The following SH3RF2 variants were observed in gnomAD, a reference collection of about 807,000 sequenced individuals.
SH3RF2 encodes E3 ubiquitin-protein ligase SH3RF2.
In SH3RF2, 43 loss-of-function variants were observed where a neutral mutation model predicts 59.0. The observed-to-expected ratio is 0.73, with a 90% CI of 0.57 to 0.94. The LOEUF (loss-of-function observed/expected upper bound fraction) is 0.94. Ranked by LOEUF, SH3RF2 falls within the 40% of genes least tolerant of loss-of-function variation. The pLI is 0.00. For synonymous variants in SH3RF2, 391 were observed against 391.5 expected (o/e 1.00, Z 0.01); for missense variants, 930 against 940.1 (o/e 0.99, Z 0.14).
At chr5:146,002,356 C>A (rs1224685856) in intron 3 of SH3RF2, among the ~76,000 whole-genome samples, 1 of 152,060 alleles carries the variant, frequency 6.6e-6, no homozygotes, top group African/African-American at 2.4e-5. Flanking sequence ...GAGACTGAGG[C>A]AGGAGAATCG....
chr5:145,986,033 A>ATAAATAAG (rs1759691099), intron 2 of SH3RF2, among the ~76,000 whole-genome samples: 1 of 136,914 alleles, frequency 7.3e-6, no homozygotes. Flanking sequence ...AAATAAATAA[A>ATAAATAAG]TAAATAAATA....
At chr5:145,991,421 C>T (rs1410163170) in intron 2 of SH3RF2, among the ~76,000 whole-genome samples, 1 of 152,130 alleles carries the variant, frequency 6.6e-6, no homozygotes, top group Non-Finnish European at 1.5e-5. Context: ...ATTTCCTTTC[C>T]TCTTCAGAGT....
At chr5:145,946,620 G>A (rs770803651) in intron 2 of SH3RF2, among the ~76,000 whole-genome samples, 62 of 152,228 alleles carry the variant, frequency 4.1e-4, no homozygotes, top group Non-Finnish European at 7.4e-4. Context: ...CATCATTCTC[G>A]GGAAAATACA....
intron 2 of SH3RF2, among the ~76,000 whole-genome samples, chr5:145,999,577 T>C (rs1297012144): frequency 2.0e-5 from 3 of 151,520 alleles, no homozygotes; most frequent in Non-Finnish European, 4.4e-5. Context: ...AATTGTAGGG[T>C]CATTAATTGG....
At position 146,014,038 on chromosome 5, in the gene SH3RF2, G is replaced by T; in HGVS notation, c.1036G>T (p.Val346Phe). Residue 346 changes from valine to phenylalanine, a missense_variant, in exon 5 of 10, where the codon GTT (valine) becomes TTT (phenylalanine). Coordinates refer to ENST00000359120, the MANE Select transcript of SH3RF2 (RefSeq NM_152550.4). ...VITQPMEKAD[V>F]PSSCVGQVST... ...CACCCAGCCCATGGAGAAAGCAGAC[G>T]TTCCTTCCAGCTGTGTGGGACAGGT... The T allele has an allele frequency of 6.2e-7, 1 of 1,614,068 alleles. No homozygotes were observed. Among genetic ancestry groups the T allele is most frequent in the Non-Finnish European group, 8.5e-7 (1 of 1,179,990 alleles).
rs957474274 is a variant in SH3RF2, at chr5:145,936,600, G to C, written c.-201G>C. Reference sequence around the variant, plus strand: ...TTTCAAAGCGGTTGGCAGCAGCGGCGCTTGGAGGAAAGGAAGCCGGTTGGA... The same window carrying C: ...TTTCAAAGCGGTTGGCAGCAGCGGCCCTTGGAGGAAAGGAAGCCGGTTGGA... On this transcript the variant is annotated 5_prime_UTR_variant, in exon 1 of 10. Transcript: ENST00000359120. 2 of 152,474 alleles carry C rather than the reference G, an allele frequency of 1.3e-5. No homozygotes were observed. The highest frequency in any genetic ancestry group is 6.5e-5 in the Admixed American group (1 of 15,284). The allele number at this position is 152,474 out of a possible 1,614,324, so 9.4% of individuals were successfully genotyped here. A position where few individuals can be genotyped will look rare whatever the true frequency, so the allele number is the denominator to read the frequency against.
At chr5:146,055,791 G>C (rs989240623) in intron 7 of SH3RF2, 190 bp from the exon 8 acceptor site, 8 of 624,834 alleles carry the variant, frequency 1.3e-5, no homozygotes, top group Non-Finnish European at 2.0e-5. Flanking sequence ...CAGTTATCCG[G>C]GTGTAGGGAG....
At chr5:146,015,864 A>G (rs1248188400) in intron 5 of SH3RF2, among the ~76,000 whole-genome samples, 1 of 152,246 alleles carries the variant, frequency 6.6e-6, no homozygotes, top group Non-Finnish European at 1.5e-5. Flanking sequence ...GCTGTGGATT[A>G]TAAGTATTTC....
rs368645230 is a variant in SH3RF2 at position 146,002,469 on chromosome 5, AAAGGAAGGAAGGAAGGAAGG to A, written c.649-1539_649-1520del. ...CCATCTAAAAATTAAAAAAGAAAGAAAAGGAAGGAAGGAAGGAAGGAAGGAAGGAAGGAAGGAAGGAAGGA... is the reference window on the plus strand; with the variant it reads ...CCATCTAAAAATTAAAAAAGAAAGAAAAGGAAGGAAGGAAGGAAGGAAGGA... On this transcript the variant is annotated intron_variant, in intron 3 of 9. Coordinates refer to ENST00000359120, the MANE Select transcript of SH3RF2 (RefSeq NM_152550.4). 4.9e-3 allele frequency among the ~76,000 whole-genome samples: 482 copies of A among 97,572 alleles called. 10 individuals are homozygous for A. In the South Asian group the frequency reaches 0.062, roughly 12 times the overall value. 64.0% of individuals were successfully genotyped at this position (97,572 alleles called of 152,430 possible). A position where few individuals can be genotyped will look rare whatever the true frequency, so the allele number is the denominator to read the frequency against.
At chr5:145,963,926 G>A (rs1400860352) in intron 2 of SH3RF2, among the ~76,000 whole-genome samples, 2 of 150,364 alleles carry the variant, frequency 1.3e-5, no homozygotes, top group Non-Finnish European at 3.0e-5. Flanking sequence ...TCCGCCTCCC[G>A]GATTCACGCC....
downstream of SH3RF2, among the ~76,000 whole-genome samples, chr5:146,063,614 C>T (rs1331750002): frequency 3.3e-5 from 5 of 152,202 alleles, no homozygotes; most frequent in African/African-American, 1.2e-4. Flanking sequence ...AATCCTGGCA[C>T]TTTGGTAGGC....
chr5:146,076,702 C>A (rs1763347886), intron 9 of SH3RF2, among the ~76,000 whole-genome samples: 1 of 152,144 alleles, frequency 6.6e-6, no homozygotes, highest in Non-Finnish European at 1.5e-5. Flanking sequence ...CATTTGCAGG[C>A]CCTGGGAGCT....
chr5:145,954,273 C>T (rs532710190), intron 2 of SH3RF2, among the ~76,000 whole-genome samples: 85 of 152,318 alleles, frequency 5.6e-4, no homozygotes, highest in Non-Finnish European at 8.5e-4. Flanking sequence ...GATGGTATCT[C>T]ACTGTGGTTT....
chr5:146,058,871 TAAAAAAA>T (rs35140745), intron 8 of SH3RF2, among the ~76,000 whole-genome samples: 4 of 132,738 alleles, frequency 3.0e-5, no homozygotes, highest in African/African-American at 1.2e-4. Flanking sequence ...CATCTCAATT[TAAAAAAA>T]AAAAAAAAAG....
chr5:146,004,251 T>A (rs1164497277), intron 4 of SH3RF2, 98 bp downstream of exon 4: 8 of 923,302 alleles, frequency 8.7e-6, no homozygotes, highest in Non-Finnish European at 1.1e-5. Context: ...CTATGAGGCT[T>A]ATTTCAGAAC....
At chr5:146,027,564 TTATTAACATACTTGATTACAAGG>T (rs1761573955) in intron 5 of SH3RF2, among the ~76,000 whole-genome samples, 1 of 152,170 alleles carries the variant, frequency 6.6e-6, no homozygotes, top group South Asian at 2.1e-4. Flanking sequence ...ACTAAACAAA[TTATTAACATACTTGATTACAAGG>T]TATTAAGCGT....
intron 2 of SH3RF2, among the ~76,000 whole-genome samples, chr5:145,961,340 G>A (rs1431501641): frequency 3.3e-5 from 5 of 151,976 alleles, no homozygotes; most frequent in African/African-American, 1.2e-4. Context: ...TTCTCGGGAA[G>A]GTACATTCTT....
At chr5:146,044,461 G>T (rs1357924919) in intron 5 of SH3RF2, among the ~76,000 whole-genome samples, 1 of 152,070 alleles carries the variant, frequency 6.6e-6, no homozygotes, top group Non-Finnish European at 1.5e-5. Context: ...GTGTGTAGTG[G>T]TATCTCACAG....
At chr5:145,975,817 C>T (rs999374300) in intron 2 of SH3RF2, among the ~76,000 whole-genome samples, 3 of 152,252 alleles carry the variant, frequency 2.0e-5, no homozygotes, top group African/African-American at 7.2e-5. Context: ...GCAGACAAAT[C>T]CCTGCTCTGT....
Sources: gnomAD v4.1 joint callset for allele counts (sites outside exome capture counted in the v4.1 genomes callset) on GRCh38, gnomAD v4.1.1 for gene constraint, MANE v1.5 for transcripts, NCBI Gene and HGNC (gene_info 2026-07-23, HGNC 2026-07-21) for gene names.